Variants in FILIP1L observed in about 807,000 individuals in gnomAD.
FILIP1L encodes the protein filamin A-interacting protein 1-like.
Under a neutral mutation model 96.6 loss-of-function variants are expected in FILIP1L, and 55 were observed. That is an observed-to-expected ratio of 0.57 (90% confidence interval 0.46 to 0.71). FILIP1L has a LOEUF of 0.71. FILIP1L is among the 30% of genes least tolerant of loss of function. The pLI, the probability that FILIP1L is intolerant of heterozygous loss-of-function variation, is 0.00. For synonymous variants in FILIP1L, 467 were observed against 473.9 expected, an observed-to-expected ratio of 0.99 and a Z score of 0.19; for missense variants, 1,304 against 1,321.2, an observed-to-expected ratio of 0.99 and a Z score of 0.20.
At chr3:99,955,255 A>T (rs1576598664) in intron 1 of FILIP1L, among the ~76,000 whole-genome samples, 1 of 152,332 alleles carries the variant, frequency 6.6e-6, no homozygotes, top group African/African-American at 2.4e-5. Context: ...CAGAGGATGG[A>T]ACAGAGCTAT....
At chr3:100,003,163 C>G (rs988678418) in intron 1 of FILIP1L, among the ~76,000 whole-genome samples, 1 of 152,172 alleles carries the variant, frequency 6.6e-6, no homozygotes, top group Non-Finnish European at 1.5e-5. Context: ...CCTGCCAAAT[C>G]TGATTAGAAG....
At chr3:99,912,335 G>C (rs1183705885) in intron 4 of FILIP1L, among the ~76,000 whole-genome samples, 1 of 152,114 alleles carries the variant, frequency 6.6e-6, no homozygotes, top group Non-Finnish European at 1.5e-5. Context: ...GTTTCTAGCG[G>C]CTGTAGTGTC....
intron 1 of FILIP1L, among the ~76,000 whole-genome samples, chr3:100,022,210 A>G (rs2064838706): frequency 6.6e-6 from 1 of 152,190 alleles, no homozygotes; most frequent in Non-Finnish European, 1.5e-5. Flanking sequence ...ATGCAATTGC[A>G]GTAGCATTGA....
chr3:100,085,725 T>C (rs926608353), intron 1 of FILIP1L, among the ~76,000 whole-genome samples: 1 of 152,212 alleles, frequency 6.6e-6, no homozygotes, highest in African/African-American at 2.4e-5. Flanking sequence ...GTCATTTTTG[T>C]CTGTCATCTG....
chr3:99,946,891 G>A (rs1708024461), intron 1 of FILIP1L, among the ~76,000 whole-genome samples: 1 of 152,070 alleles, frequency 6.6e-6, no homozygotes, highest in African/African-American at 2.4e-5. Context: ...TTGTTGCACA[G>A]GTGCTAACAG....
At chr3:99,900,318 AC>A (rs1706394549) in intron 4 of FILIP1L, among the ~76,000 whole-genome samples, 1 of 152,150 alleles carries the variant, frequency 6.6e-6, no homozygotes, top group Non-Finnish European at 1.5e-5. Context: ...ATAACAACTA[AC>A]ACATACCTGG....
chr3:99,995,041 A>C (rs1178446390), intron 1 of FILIP1L, among the ~76,000 whole-genome samples: 1 of 152,142 alleles, frequency 6.6e-6, no homozygotes, highest in Admixed American at 6.5e-5. Context: ...ATGCCTTCCC[A>C]ACAGCACCCA....
At chr3:99,833,429 T>C (rs952036659) in intron 5 of FILIP1L, among the ~76,000 whole-genome samples, 5 of 152,198 alleles carry the variant, frequency 3.3e-5, no homozygotes, top group African/African-American at 1.2e-4. Context: ...AAAAGAAGTA[T>C]GGAAAGGTGA....
At chr3:99,946,864 A>G (rs569187938) in intron 1 of FILIP1L, among the ~76,000 whole-genome samples, 1 of 152,290 alleles carries the variant, frequency 6.6e-6, no homozygotes, top group Admixed American at 6.5e-5. Context: ...CACTGTCTCC[A>G]TCAAGGATAC....
intron 1 of FILIP1L, among the ~76,000 whole-genome samples, chr3:100,088,644 C>T (rs2066052943): frequency 6.6e-6 from 1 of 152,134 alleles, no homozygotes. Context: ...TTCTCTCCTT[C>T]TCTGCAGTTT....
intron 1 of FILIP1L, among the ~76,000 whole-genome samples, chr3:100,065,523 G>T (rs184899415): frequency 6.6e-6 from 1 of 152,192 alleles, no homozygotes; most frequent in Non-Finnish European, 1.5e-5. Flanking sequence ...AGAAACTATT[G>T]TCAACCACAT....
rs539987936 is a variant in FILIP1L at position 100,051,057 on chromosome 3, ATATTT to A, written c.-11+62991_-11+62995del. On this transcript the variant is annotated intron_variant, in intron 1 of 5. Transcript: ENST00000477258. ...TCAATAGAGAAATCACATAAAAGTGATATTTTATTAGTATAAATTTATTTTTAAAC... is the reference window on the plus strand; with the variant it reads ...TCAATAGAGAAATCACATAAAAGTGATATTAGTATAAATTTATTTTTAAAC... Among the ~76,000 whole-genome samples, 640 of 152,292 alleles carry A rather than the reference ATATTT, an allele frequency of 4.2e-3. 4 individuals carry two copies. Among genetic ancestry groups the A allele is most frequent in the African/African-American group, 0.015 (608 of 41,568 alleles).
chr3:100,110,876 A>G (rs2066479557), intron 1 of FILIP1L, among the ~76,000 whole-genome samples: 2 of 152,168 alleles, frequency 1.3e-5, no homozygotes, highest in African/African-American at 4.8e-5. Flanking sequence ...ACAATGTTTT[A>G]TGTTGCTAGG....
chr3:99,889,478 A>G (rs546796605), intron 4 of FILIP1L, among the ~76,000 whole-genome samples: 213 of 152,196 alleles, frequency 1.4e-3, no homozygotes, highest in Non-Finnish European at 2.3e-3. Flanking sequence ...GGTGAGTCTC[A>G]TATAAATAAC....
rs562336215 is a variant in FILIP1L at position 99,983,564 on chromosome 3, C to T, written c.-10-52534G>A. Among the ~76,000 whole-genome samples the T allele has an allele frequency of 2.9e-5, 4 of 139,570 alleles. No homozygotes were observed. In the East Asian group the frequency reaches 8.0e-4, roughly 28 times the overall value. 91.6% of individuals were successfully genotyped at this position (139,570 alleles called of 152,430 possible). A position where few individuals can be genotyped will look rare whatever the true frequency, so the allele number is the denominator to read the frequency against. On this transcript the variant is annotated intron_variant, in intron 1 of 5. Transcript: ENST00000477258. ...AATTAGCCAGGTGTGGTGGCAGGTA[C>T]CTGTAATCCCAGCTACTTGGGAGGT... is the stretch of plus-strand genomic sequence containing the variant.
At chr3:99,858,866 G>A (rs929394390) in intron 4 of FILIP1L, among the ~76,000 whole-genome samples, 7 of 152,202 alleles carry the variant, frequency 4.6e-5, no homozygotes, top group Admixed American at 2.6e-4. Context: ...CTGGAAAAGC[G>A]TCTGGTTTGG....
At chr3:99,944,476 A>T (rs1477723612) in intron 1 of FILIP1L, among the ~76,000 whole-genome samples, 1 of 152,252 alleles carries the variant, frequency 6.6e-6, no homozygotes, top group Admixed American at 6.5e-5. Flanking sequence ...CAACAGCAAC[A>T]CAAAATTTAC....
chr3:99,940,274 A>G (rs975171530), intron 1 of FILIP1L, among the ~76,000 whole-genome samples: 2 of 152,238 alleles, frequency 1.3e-5, no homozygotes, highest in African/African-American at 4.8e-5. Flanking sequence ...GTTTAAATGC[A>G]TTTTTAAATG....
At chr3:99,971,498 A>G (rs1249067700) in intron 1 of FILIP1L, among the ~76,000 whole-genome samples, 7 of 152,220 alleles carry the variant, frequency 4.6e-5, no homozygotes, top group Non-Finnish European at 1.0e-4. Context: ...GGGACTCAGG[A>G]ATGAGGTCTC....
Sources: allele counts gnomAD v4.1 joint callset (sites outside exome capture counted in the v4.1 genomes callset), GRCh38; gene constraint gnomAD v4.1.1; transcripts MANE v1.5; gene names NCBI Gene and HGNC (gene_info 2026-07-23, HGNC 2026-07-21).